CCL28: variants seen among roughly 807,000 people sequenced by gnomAD.
The protein encoded by CCL28 is C-C motif chemokine ligand 28.
CCL28 carries 4 observed loss-of-function variants against 7.1 expected under a neutral mutation model. The ratio of observed to expected loss-of-function variants is 0.56; its 90% CI spans 0.28 to 1.29. The LOEUF is 1.29. Among genes scored for constraint, CCL28 ranks in the 50% most tolerant of loss-of-function variants. CCL28 has a pLI of 0.11. For synonymous variants in CCL28, 55 were observed against 57.8 expected, an observed-to-expected ratio of 0.95 and a Z score of 0.22; for missense variants, 151 against 163.4, an observed-to-expected ratio of 0.92 and a Z score of 0.41.
the CCL28 span, among the ~76,000 whole-genome samples, chr5:43,359,435 G>A: frequency 2.6e-5 from 4 of 152,324 alleles, no homozygotes; most frequent in Non-Finnish European, 4.4e-5. Flanking sequence ...CAGATCTCTC[G>A]TGCTATTGTT....
At chr5:43,363,250 G>C in the CCL28 span, among the ~76,000 whole-genome samples, 1 of 152,152 alleles carries the variant, frequency 6.6e-6, no homozygotes, top group Non-Finnish European at 1.5e-5. Flanking sequence ...TCTAGATCCT[G>C]AATTCTTTAG....
chr5:43,401,198 G>A (rs1442591363), intron 1 of CCL28, among the ~76,000 whole-genome samples: 1 of 152,168 alleles, frequency 6.6e-6, no homozygotes, highest in Non-Finnish European at 1.5e-5. Context: ...ATCATGCAGT[G>A]GGTGCCAACA....
intron 1 of CCL28, among the ~76,000 whole-genome samples, chr5:43,408,902 T>TG (rs1741418714): frequency 6.6e-6 from 1 of 151,490 alleles, no homozygotes; most frequent in Non-Finnish European, 1.5e-5. Context: ...ACTTTTTTTT[T>TG]TTTTTGAAAT....
chr5:43,387,781 A>G (rs766571300), intron 2 of CCL28, among the ~76,000 whole-genome samples: 25 of 152,252 alleles, frequency 1.6e-4, no homozygotes, highest in Non-Finnish European at 2.6e-4. Context: ...GCATGCCACC[A>G]TGCCTGGCTA....
At chr5:43,399,438 A>G (rs1271043166) in intron 1 of CCL28, among the ~76,000 whole-genome samples, 2 of 152,162 alleles carry the variant, frequency 1.3e-5, no homozygotes, top group East Asian at 3.8e-4. Flanking sequence ...ACCATGTATG[A>G]CATTAAGAGT....
At chr5:43,369,482 T>C in the CCL28 span, among the ~76,000 whole-genome samples, 5 of 152,170 alleles carry the variant, frequency 3.3e-5, no homozygotes, top group Admixed American at 6.5e-5. Context: ...GGGAGTGCAG[T>C]GGTGGGATCT....
At chr5:43,365,775 C>T in the CCL28 span, among the ~76,000 whole-genome samples, 1 of 152,186 alleles carries the variant, frequency 6.6e-6, no homozygotes, top group African/African-American at 2.4e-5. Context: ...TTCTATTCTC[C>T]CCATCACTTT....
downstream of CCL28, among the ~76,000 whole-genome samples, chr5:43,375,592 G>A (rs1280989003): frequency 3.3e-5 from 5 of 151,554 alleles, no homozygotes; most frequent in African/African-American, 4.8e-5. Context: ...TGCAGTTGAC[G>A]TGAATGCTGT....
downstream of CCL28, among the ~76,000 whole-genome samples, chr5:43,372,367 T>C (rs1382013187): frequency 6.6e-6 from 1 of 152,138 alleles, no homozygotes; most frequent in Non-Finnish European, 1.5e-5. Flanking sequence ...ATTCTTTTTG[T>C]TTTGTTTGTT....
intron 1 of CCL28, among the ~76,000 whole-genome samples, chr5:43,403,213 T>C (rs1741116164): frequency 1.3e-5 from 2 of 152,192 alleles, no homozygotes; most frequent in Non-Finnish European, 2.9e-5. Flanking sequence ...GATTGCATCC[T>C]CAAGTGGGTC....
chr5:43,377,717 C>CTTTTTTTTTTTTTTTTTTTTTTTT (rs767834184), downstream of CCL28, among the ~76,000 whole-genome samples: 3 of 42,708 alleles, frequency 7.0e-5, 1 homozygote, highest in Non-Finnish European at 1.2e-4. Flanking sequence ...AGAACTTAAA[C>CTTTTTTTTTTTTTTTTTTTTTTTT]TTTTTTTTTT....
At chr5:43,391,704 AACAG>A (rs1360603381) in intron 1 of CCL28, among the ~76,000 whole-genome samples, 1 of 152,252 alleles carries the variant, frequency 6.6e-6, no homozygotes, top group African/African-American at 2.4e-5. Context: ...TCCTAATGAT[AACAG>A]ACATTGTTTG....
the CCL28 span, among the ~76,000 whole-genome samples, chr5:43,368,161 G>A: frequency 7.2e-5 from 11 of 152,154 alleles, no homozygotes; most frequent in Non-Finnish European, 1.0e-4. Flanking sequence ...GAGGAAAAAT[G>A]ACTCTCAGGG....
At chr5:43,357,018 A>AGGGGTCAGCTGATCCAGAGT in the CCL28 span, among the ~76,000 whole-genome samples, 1 of 152,322 alleles carries the variant, frequency 6.6e-6, no homozygotes, top group East Asian at 1.9e-4. Context: ...CAGGTTAGCT[A>AGGGGTCAGCTGATCCAGAGT]GGGGTCAGCT....
intron 1 of CCL28, among the ~76,000 whole-genome samples, chr5:43,401,097 GA>G (rs1023387097): frequency 7.2e-6 from 1 of 139,654 alleles, no homozygotes; most frequent in African/African-American, 3.1e-5. Context: ...AAAAAAAAAA[GA>G]AAAAGAAAAA....
intron 2 of CCL28, among the ~76,000 whole-genome samples, chr5:43,385,204 A>G (rs1008861437): frequency 3.9e-5 from 6 of 152,162 alleles, no homozygotes; most frequent in African/African-American, 1.4e-4. Context: ...GCCATGATAA[A>G]CAACCTGTTA....
the CCL28 span, among the ~76,000 whole-genome samples, chr5:43,361,344 G>A: frequency 9.2e-5 from 14 of 152,152 alleles, no homozygotes; most frequent in Non-Finnish European, 1.9e-4. Context: ...TCTTTCTGGA[G>A]TGAGATGGTC....
chr5:43,359,105 T>C, the CCL28 span, among the ~76,000 whole-genome samples: 1 of 152,294 alleles, frequency 6.6e-6, no homozygotes, highest in East Asian at 1.9e-4. Flanking sequence ...TGAATTCTAA[T>C]AAAATGTAGG....
chr5:43,382,110 T>A, intron 2 of CCL28, 58 bp from the exon 3 acceptor site: 1 of 1,489,254 alleles, frequency 6.7e-7, no homozygotes, highest in Non-Finnish European at 9.1e-7. Context: ...AAATAATCAC[T>A]TAGTGACTTA....
Sources: gnomAD v4.1 joint callset for allele counts (sites outside exome capture counted in the v4.1 genomes callset) on GRCh38, gnomAD v4.1.1 for gene constraint, MANE v1.5 for transcripts, NCBI Gene and HGNC (gene_info 2026-07-23, HGNC 2026-07-21) for gene names.